FOCAD: variants seen among roughly 807,000 people sequenced by gnomAD.
FOCAD encodes focadhesin.
Under a neutral mutation model 225.6 loss-of-function variants are expected in FOCAD, and 198 were observed. That is an observed-to-expected ratio of 0.88 (90% CI 0.78 to 0.99). The LOEUF (loss-of-function observed/expected upper bound fraction) is 0.99. Among genes scored for constraint, FOCAD ranks in the 50% least tolerant of loss-of-function variants. The pLI is 0.00. For missense variants in FOCAD, 2,713 were observed against 2,123.6 expected (o/e 1.28, Z -5.46); for synonymous variants, 897 against 755.0 (o/e 1.19, Z -3.08).
intron 30 of FOCAD, among the ~76,000 whole-genome samples, chr9:20,947,748 C>A (rs1021632136): frequency 6.6e-6 from 1 of 152,086 alleles, no homozygotes; most frequent in African/African-American, 2.4e-5. Context: ...GGTTTCTCCA[C>A]TGTCTTAATA....
chr9:20,779,213 C>T (rs1819103999), intron 9 of FOCAD, among the ~76,000 whole-genome samples: 1 of 152,294 alleles, frequency 6.6e-6, no homozygotes, highest in African/African-American at 2.4e-5. Context: ...CCAGTATTGA[C>T]TTAAAGAAAA....
intron 35 of FOCAD, among the ~76,000 whole-genome samples, chr9:20,968,430 TC>T (rs1587742768): frequency 8.1e-6 from 1 of 123,542 alleles, no homozygotes; most frequent in Non-Finnish European, 1.7e-5. Flanking sequence ...ATTTTCTTAT[TC>T]TTTTTTTTTT....
intron 7 of FOCAD, among the ~76,000 whole-genome samples, chr9:20,765,756 G>T (rs1393664585): frequency 6.6e-6 from 1 of 152,172 alleles, no homozygotes; most frequent in Non-Finnish European, 1.5e-5. Flanking sequence ...CAGTTGCCCA[G>T]GTGTTGTGAT....
intron 28 of FOCAD, among the ~76,000 whole-genome samples, chr9:20,933,309 C>T (rs2132228729): frequency 6.6e-6 from 1 of 152,312 alleles, no homozygotes; most frequent in Admixed American, 6.5e-5. Context: ...AAGCAGTATA[C>T]ACTGCACACA....
chr9:20,690,539 T>C (rs1448831762), intron 1 of FOCAD, among the ~76,000 whole-genome samples: 1 of 152,168 alleles, frequency 6.6e-6, no homozygotes, highest in Non-Finnish European at 1.5e-5. Flanking sequence ...GAAGTTACTT[T>C]TCTAAAAGTG....
At chr9:20,699,963 C>G (rs979159126) in intron 1 of FOCAD, among the ~76,000 whole-genome samples, 19 of 151,220 alleles carry the variant, frequency 1.3e-4, no homozygotes, top group African/African-American at 4.6e-4. Context: ...CCCCAAGATC[C>G]TCTTCTGATT....
intron 15 of FOCAD, among the ~76,000 whole-genome samples, chr9:20,850,738 C>T (rs1193232905): frequency 1.3e-5 from 2 of 151,042 alleles, no homozygotes; most frequent in African/African-American, 4.9e-5. Context: ...ATTAAAAAGA[C>T]ACAACAGAGC....
At chr9:20,941,442 C>G (rs1836651681) in intron 28 of FOCAD, among the ~76,000 whole-genome samples, 1 of 152,120 alleles carries the variant, frequency 6.6e-6, no homozygotes, top group Admixed American at 6.5e-5. Context: ...GTTATTAGAA[C>G]TAATTATTAG....
At chr9:20,865,096 C>G (rs112207634) in intron 16 of FOCAD, among the ~76,000 whole-genome samples, 1 of 152,032 alleles carries the variant, frequency 6.6e-6, no homozygotes, top group African/African-American at 2.4e-5. Context: ...TCCCTGCCTT[C>G]TAGAAGCTCA....
intron 20 of FOCAD, among the ~76,000 whole-genome samples, chr9:20,882,621 A>G (rs780568688): frequency 1.2e-4 from 18 of 152,192 alleles, no homozygotes; most frequent in Admixed American, 3.3e-4. Flanking sequence ...GGGTGAACTT[A>G]CTAATTCTGG....
At chr9:20,800,752 A>AT (rs550528663) in intron 11 of FOCAD, among the ~76,000 whole-genome samples, 112 of 151,692 alleles carry the variant, frequency 7.4e-4, no homozygotes, top group Admixed American at 1.4e-3. Context: ...CATTCGTCTA[A>AT]TTTTTTTTCA....
intron 6 of FOCAD, among the ~76,000 whole-genome samples, chr9:20,758,774 A>T (rs909749665): frequency 3.9e-5 from 6 of 152,146 alleles, no homozygotes; most frequent in Non-Finnish European, 7.3e-5. Context: ...CAGGGCAATT[A>T]GGCAGGAGAA....
chr9:20,854,667 C>T (rs1543679), intron 15 of FOCAD, among the ~76,000 whole-genome samples: 87,645 of 151,464 alleles, frequency 0.58, 25,553 homozygotes, highest in East Asian at 0.71. Context: ...GTATCATTCT[C>T]CCCCAGCAAC....
intron 39 of FOCAD, among the ~76,000 whole-genome samples, chr9:20,985,452 G>A (rs1003535501): frequency 6.6e-6 from 1 of 152,188 alleles, no homozygotes; most frequent in Non-Finnish European, 1.5e-5. Context: ...TCATTTGGGA[G>A]CAAATACTAC....
chr9:20,692,567 T>C (rs1385505879), intron 1 of FOCAD, among the ~76,000 whole-genome samples: 1 of 152,220 alleles, frequency 6.6e-6, no homozygotes, highest in Non-Finnish European at 1.5e-5. Flanking sequence ...TTGGGGTAGA[T>C]GTGGGGCAGC....
At position 20,988,324 on chromosome 9, in the gene FOCAD, C is replaced by T. The variant is rs369444153; in HGVS notation, c.4907-8C>T. 1 of 1,573,776 alleles carries T rather than the reference C, an allele frequency of 6.4e-7. No individual in the cohort carries two copies. The highest frequency in any genetic ancestry group is 1.4e-5 in the African/African-American group (1 of 73,676). On this transcript the variant is annotated splice_region_variant and splice_polypyrimidine_tract_variant and intron_variant, in intron 40 of 43. Transcript: ENST00000338382. ...TGGTCTAGTAAGAAAATACCCTTTT[C>T]ATTTCAGGCGTTTTGAAGAGAATGG...
At chr9:20,887,540 T>G (rs1274367877) in intron 21 of FOCAD, among the ~76,000 whole-genome samples, 2 of 152,172 alleles carry the variant, frequency 1.3e-5, no homozygotes, top group African/African-American at 2.4e-5. Context: ...CAGCCATATT[T>G]CCAAGTATTT....
At chr9:20,784,797 G>A (rs1265299562) in intron 10 of FOCAD, among the ~76,000 whole-genome samples, 3 of 152,086 alleles carry the variant, frequency 2.0e-5, no homozygotes, top group African/African-American at 4.8e-5. Context: ...CAGAAAATTC[G>A]CAAGGAATTG....
intron 4 of FOCAD, among the ~76,000 whole-genome samples, chr9:20,731,521 A>C (rs1304335498): frequency 6.6e-6 from 1 of 152,234 alleles, no homozygotes; most frequent in Non-Finnish European, 1.5e-5. Context: ...AAGTTATGTA[A>C]ATATAGAACT....
Sources: gnomAD v4.1 joint callset for allele counts (sites outside exome capture counted in the v4.1 genomes callset) on GRCh38, gnomAD v4.1.1 for gene constraint, MANE v1.5 for transcripts, NCBI Gene and HGNC (gene_info 2026-07-23, HGNC 2026-07-21) for gene names.